Variants in CHN2 observed in about 807,000 individuals in gnomAD.
The protein encoded by CHN2 is chimerin 2.
In CHN2, 35 loss-of-function variants were observed where a neutral mutation model predicts 56.3. That is an observed-to-expected ratio of 0.62 (90% CI 0.47 to 0.82). The LOEUF (loss-of-function observed/expected upper bound fraction) is 0.82, where lower values mean the gene tolerates loss of function less well. Among genes scored for constraint, CHN2 ranks in the 40% least tolerant of loss-of-function variants. The probability of loss-of-function intolerance (pLI) is 0.00; values close to 1 mark genes in which losing one functional copy is unlikely to be tolerated. For missense variants in CHN2, 491 were observed against 580.5 expected, an observed-to-expected ratio of 0.85 and a Z score of 1.58; for synonymous variants, 210 against 212.8, an observed-to-expected ratio of 0.99 and a Z score of 0.12.
intron 6 of CHN2, among the ~76,000 whole-genome samples, chr7:29,472,601 G>A (rs183329845): frequency 1.3e-5 from 2 of 152,174 alleles, no homozygotes; most frequent in Admixed American, 1.3e-4. Flanking sequence ...AAAAAAAAGA[G>A]CATGCTAACT....
intron 1 of CHN2, among the ~76,000 whole-genome samples, chr7:29,351,881 G>A (rs1048203365): frequency 2.6e-5 from 4 of 152,196 alleles, no homozygotes; most frequent in African/African-American, 9.7e-5. Flanking sequence ...ACCAGGAAGT[G>A]TTGTGATCTC....
intron 7 of CHN2, among the ~76,000 whole-genome samples, chr7:29,488,443 C>T (rs938151577): frequency 6.6e-6 from 1 of 152,136 alleles, no homozygotes; most frequent in East Asian, 1.9e-4. Context: ...TAACCCTGGG[C>T]AAACACTAGA....
chr7:29,483,370 T>C (rs1343416166), intron 7 of CHN2, among the ~76,000 whole-genome samples: 1 of 152,200 alleles, frequency 6.6e-6, no homozygotes, highest in East Asian at 1.9e-4. Context: ...AAACAAAGCT[T>C]GTCTAAGCAA....
intron 6 of CHN2, among the ~76,000 whole-genome samples, chr7:29,410,041 G>C (rs1479548122): frequency 6.6e-6 from 1 of 152,228 alleles, no homozygotes; most frequent in Non-Finnish European, 1.5e-5. Flanking sequence ...GCTCTTCCCA[G>C]TGGCTCTCAC....
At chr7:29,301,728 A>G (rs879802158) in intron 1 of CHN2, among the ~76,000 whole-genome samples, 1 of 152,134 alleles carries the variant, frequency 6.6e-6, no homozygotes, top group Non-Finnish European at 1.5e-5. Context: ...ATTGCACTAA[A>G]ATGAGAGCAC....
At chr7:29,446,410 T>A (rs1339256330) in intron 6 of CHN2, among the ~76,000 whole-genome samples, 1 of 152,206 alleles carries the variant, frequency 6.6e-6, no homozygotes, top group Non-Finnish European at 1.5e-5. Context: ...TCCCTATGTG[T>A]ATCTATATCT....
intron 2 of CHN2, among the ~76,000 whole-genome samples, chr7:29,365,402 C>T (rs1413892600): frequency 6.6e-6 from 1 of 152,140 alleles, no homozygotes; most frequent in Non-Finnish European, 1.5e-5. Context: ...GTTTTTGGAA[C>T]TCACATCAAT....
chr7:29,406,670 G>C (rs564685803), intron 6 of CHN2, among the ~76,000 whole-genome samples: 11 of 152,248 alleles, frequency 7.2e-5, no homozygotes, highest in African/African-American at 2.6e-4. Flanking sequence ...TCGGGAACCA[G>C]CAGCATCAAC....
chr7:29,263,208 T>C (rs1258929199), intron 1 of CHN2, among the ~76,000 whole-genome samples: 2 of 152,180 alleles, frequency 1.3e-5, no homozygotes, highest in Non-Finnish European at 2.9e-5. Context: ...TTCGTATTTT[T>C]TGGTGGAGAC....
At chr7:29,497,989 A>C (rs1296696569) in intron 8 of CHN2, among the ~76,000 whole-genome samples, 2 of 152,210 alleles carry the variant, frequency 1.3e-5, no homozygotes, top group African/African-American at 4.8e-5. Context: ...TAGTGGTTGC[A>C]TAACAGTGTG....
intron 1 of CHN2, among the ~76,000 whole-genome samples, chr7:29,311,300 C>T (rs1349801867): frequency 6.6e-6 from 1 of 152,210 alleles, no homozygotes; most frequent in Non-Finnish European, 1.5e-5. Flanking sequence ...TCAAGGGCCA[C>T]GTGTTCTCTT....
chr7:29,323,861 G>A (rs998786129), intron 1 of CHN2, among the ~76,000 whole-genome samples: 4 of 151,982 alleles, frequency 2.6e-5, no homozygotes, highest in East Asian at 1.9e-4. Flanking sequence ...AAAAATAGCC[G>A]GGCGTGGTGG....
intron 2 of CHN2, among the ~76,000 whole-genome samples, chr7:29,178,276 GCTT>G (rs1797614849): frequency 6.6e-6 from 1 of 152,110 alleles, no homozygotes; most frequent in Non-Finnish European, 1.5e-5. Flanking sequence ...CTTCCTAAAA[GCTT>G]CTGTGGCTTC....
intron 3 of CHN2, among the ~76,000 whole-genome samples, chr7:29,376,643 C>G (rs750605086): frequency 6.6e-6 from 1 of 152,184 alleles, no homozygotes; most frequent in South Asian, 2.1e-4. Flanking sequence ...CCTCCCTAAT[C>G]CCTTAGGATA....
At chr7:29,165,499 T>C (rs1364927961) in intron 2 of CHN2, among the ~76,000 whole-genome samples, 1 of 152,204 alleles carries the variant, frequency 6.6e-6, no homozygotes, top group Admixed American at 6.5e-5. Context: ...TGTCTGTTAA[T>C]AGAGACTGCT....
chr7:29,331,592 A>C (rs1796217801), intron 1 of CHN2, among the ~76,000 whole-genome samples: 1 of 152,162 alleles, frequency 6.6e-6, no homozygotes, highest in African/African-American at 2.4e-5. Flanking sequence ...GGTAGAGGTC[A>C]ACACCCTGGC....
intron 6 of CHN2, among the ~76,000 whole-genome samples, chr7:29,433,209 A>G (rs1394298933): frequency 6.6e-6 from 1 of 152,242 alleles, no homozygotes; most frequent in Non-Finnish European, 1.5e-5. Context: ...TGTGTACACA[A>G]AGAAATAGAA....
upstream of CHN2, among the ~76,000 whole-genome samples, chr7:29,190,690 C>T (rs1782776597): frequency 6.6e-6 from 1 of 152,134 alleles, no homozygotes; most frequent in African/African-American, 2.4e-5. Flanking sequence ...AGGTAGTATC[C>T]TTACATGACC....
chr7:29,495,117 C>A (rs1415647884), intron 7 of CHN2, among the ~76,000 whole-genome samples: 1 of 152,138 alleles, frequency 6.6e-6, no homozygotes, highest in East Asian at 1.9e-4. Flanking sequence ...TGCCTATGGT[C>A]ATTTTAGATT....
Sources: allele counts gnomAD v4.1 joint callset (sites outside exome capture counted in the v4.1 genomes callset), GRCh38; gene constraint gnomAD v4.1.1; transcripts MANE v1.5; gene names NCBI Gene and HGNC (gene_info 2026-07-23, HGNC 2026-07-21).